Variants in STPG2 observed in about 807,000 individuals in gnomAD.
STPG2 encodes the protein sperm tail PG-rich repeat containing 2.
STPG2 carries 56 observed loss-of-function variants against 54.2 expected under a neutral mutation model. The observed-to-expected ratio is 1.03, with a 90% CI of 0.83 to 1.29. The LOEUF (loss-of-function observed/expected upper bound fraction) is 1.29, where lower values mean the gene tolerates loss of function less well. STPG2 is among the 50% of genes most tolerant of loss of function. STPG2 has a pLI of 0.00. For missense variants in STPG2, 596 were observed against 544.9 expected (o/e 1.09, Z -0.93); for synonymous variants, 200 against 181.8 (o/e 1.10, Z -0.81).
At chr4:97,951,206 A>C (rs1203575182) in intron 7 of STPG2, among the ~76,000 whole-genome samples, 1 of 152,130 alleles carries the variant, frequency 6.6e-6, no homozygotes, top group Non-Finnish European at 1.5e-5. Flanking sequence ...CCCAATTTCC[A>C]AGTTTTGGGG....
chr4:98,041,033 T>C (rs762421586), intron 5 of STPG2, among the ~76,000 whole-genome samples: 8 of 151,348 alleles, frequency 5.3e-5, no homozygotes, highest in Admixed American at 1.3e-4. Flanking sequence ...TGTTTCACCA[T>C]TTTCCTTTCT....
chr4:97,951,558 T>C (rs1405135990), intron 7 of STPG2, among the ~76,000 whole-genome samples: 1 of 152,100 alleles, frequency 6.6e-6, no homozygotes, highest in Non-Finnish European at 1.5e-5. Context: ...TGTAGCCTAA[T>C]TCAGTAATTG....
rs111718568 is a variant in STPG2, at chr4:98,059,942, C to G, written c.612+46011G>C. On this transcript the variant is annotated intron_variant, in intron 5 of 10. Transcript: ENST00000295268. The stretch of plus-strand genomic sequence containing the variant: ...ATAATAAGAGCCATCTATGACAAAC[C>G]CACAGCCAATATTATACTGAATAGG... Among the ~76,000 whole-genome samples the G allele has an allele frequency of 4.3e-3, 655 of 152,068 alleles. 2 individuals carry two copies. The highest frequency in any genetic ancestry group is 0.02 in the Middle Eastern group (6 of 294).
chr4:97,954,353 C>T (rs970615807), intron 7 of STPG2, among the ~76,000 whole-genome samples: 12 of 152,176 alleles, frequency 7.9e-5, no homozygotes, highest in African/African-American at 2.9e-4. Context: ...CTGATAAAGG[C>T]AACAGAGTAA....
chr4:97,875,735 T>A (rs1730150784), intron 8 of STPG2, among the ~76,000 whole-genome samples: 3 of 151,946 alleles, frequency 2.0e-5, no homozygotes, highest in Non-Finnish European at 4.4e-5. Context: ...ATGCAAATAT[T>A]AAGAACTTAT....
chr4:97,606,484 G>T (rs75569773), intron 10 of STPG2, among the ~76,000 whole-genome samples: 3,336 of 151,776 alleles, frequency 0.022, 49 homozygotes, highest in East Asian at 0.062. Context: ...AATATATATA[G>T]AGAGAGAGAT....
chr4:97,936,518 G>A (rs1420545615), intron 8 of STPG2, among the ~76,000 whole-genome samples: 1 of 152,148 alleles, frequency 6.6e-6, no homozygotes, highest in Non-Finnish European at 1.5e-5. Context: ...GCTGGTACCA[G>A]TTTTACCTTT....
chr4:97,674,978 A>C (rs1023812745), intron 10 of STPG2, among the ~76,000 whole-genome samples: 1 of 152,094 alleles, frequency 6.6e-6, no homozygotes, highest in Non-Finnish European at 1.5e-5. Flanking sequence ...AAATGTACCA[A>C]GTATATATTG....
At chr4:97,609,374 A>G (rs531795441) in intron 10 of STPG2, among the ~76,000 whole-genome samples, 1 of 152,100 alleles carries the variant, frequency 6.6e-6, no homozygotes, top group East Asian at 1.9e-4. Context: ...GGTCATCCCT[A>G]CTTTAATCAT....
intron 9 of STPG2, among the ~76,000 whole-genome samples, chr4:97,775,813 G>T (rs1485921378): frequency 6.6e-6 from 1 of 152,168 alleles, no homozygotes; most frequent in African/African-American, 2.4e-5. Context: ...CAAGGCTAGA[G>T]TTCAGTGGCA....
chr4:97,716,624 T>C (rs1055876938), intron 9 of STPG2, among the ~76,000 whole-genome samples: 2 of 149,114 alleles, frequency 1.3e-5, no homozygotes, highest in Non-Finnish European at 3.0e-5. Flanking sequence ...CCACATGTTT[T>C]CACTCAGAAG....
At chr4:98,031,580 G>C (rs1352127645) in intron 5 of STPG2, among the ~76,000 whole-genome samples, 3 of 152,114 alleles carry the variant, frequency 2.0e-5, no homozygotes, top group Non-Finnish European at 4.4e-5. Context: ...AGCTACTCAG[G>C]AGGCTGAGGC....
intron 8 of STPG2, among the ~76,000 whole-genome samples, chr4:97,903,688 T>A (rs575561881): frequency 6.6e-6 from 1 of 152,160 alleles, no homozygotes; most frequent in African/African-American, 2.4e-5. Flanking sequence ...TCTGAGGTAC[T>A]GGGTTCATCT....
intron 4 of STPG2, among the ~76,000 whole-genome samples, chr4:97,460,324 T>C (rs1278454213): frequency 1.3e-5 from 2 of 152,190 alleles, no homozygotes; most frequent in Non-Finnish European, 2.9e-5. Flanking sequence ...TTTTATTTTG[T>C]ATTTTGCTTT....
intron 10 of STPG2, among the ~76,000 whole-genome samples, chr4:97,621,161 T>C (rs551448671): frequency 2.6e-5 from 4 of 152,206 alleles, no homozygotes; most frequent in African/African-American, 7.2e-5. Flanking sequence ...CAATTTATTA[T>C]AGTACTGAAT....
intron 9 of STPG2, among the ~76,000 whole-genome samples, chr4:97,746,345 A>C (rs1299382478): frequency 6.6e-6 from 1 of 151,278 alleles, no homozygotes; most frequent in Non-Finnish European, 1.5e-5. Context: ...TTTAAAGCTA[A>C]AAGTACTGAA....
intron 8 of STPG2, among the ~76,000 whole-genome samples, chr4:97,850,913 C>T (rs1029467679): frequency 6.6e-6 from 1 of 152,174 alleles, no homozygotes; most frequent in Non-Finnish European, 1.5e-5. Context: ...TAATAGCTCT[C>T]TGTTTTTGAG....
intron 5 of STPG2, among the ~76,000 whole-genome samples, chr4:98,015,771 G>A (rs10025364): frequency 0.39 from 59,852 of 151,740 alleles, 12,039 homozygotes; most frequent in Middle Eastern, 0.47. Flanking sequence ...TGTTTATTGC[G>A]GCATTGTTCA....
intron 10 of STPG2, among the ~76,000 whole-genome samples, chr4:97,647,813 G>A (rs1255928275): frequency 6.6e-6 from 1 of 152,258 alleles, no homozygotes; most frequent in East Asian, 1.9e-4. Flanking sequence ...GGAAACAGGT[G>A]TGAATGGGCC....
Sources: allele counts gnomAD v4.1 joint callset (sites outside exome capture counted in the v4.1 genomes callset), GRCh38; gene constraint gnomAD v4.1.1; transcripts MANE v1.5; gene names NCBI Gene and HGNC (gene_info 2026-07-23, HGNC 2026-07-21).